Variants in CPT1C observed in about 807,000 individuals in gnomAD.
CPT1C encodes the protein carnitine palmitoyltransferase 1C, also known as palmitoyl thioesterase CPT1C.
A neutral mutation model predicts 97.3 loss-of-function variants in CPT1C; 61 were observed. The observed-to-expected ratio is 0.63, with a 90% CI of 0.51 to 0.78. The LOEUF (loss-of-function observed/expected upper bound fraction) is 0.78. CPT1C is among the 30% of genes least tolerant of loss of function. CPT1C has a pLI of 0.00. For synonymous variants in CPT1C, 469 were observed against 447.2 expected (o/e 1.05, Z -0.61); for missense variants, 975 against 1,065.5 (o/e 0.92, Z 1.18).
upstream of CPT1C, chr19:49,690,876 G>A (rs561088374): frequency 5.0e-5 from 9 of 178,824 alleles, no homozygotes; most frequent in African/African-American, 2.1e-4. This position sits in a 1 kb window ranked among gnomAD's most constrained non-coding sequence, Gnocchi z 4.4. Flanking sequence ...CCTCCCAGCT[G>A]AGCCTTGTTC....
At chr19:49,699,925 G>C (rs989432794) in intron 4 of CPT1C, among the ~76,000 whole-genome samples, 11 of 151,870 alleles carry the variant, frequency 7.2e-5, no homozygotes, top group African/African-American at 2.7e-4. Context: ...CTGCACTCCA[G>C]CCTGGGCGAC....
intron 2 of CPT1C, 51 bp from the exon 3 acceptor site, chr19:49,692,188 G>C (rs1055149822): frequency 7.5e-6 from 12 of 1,590,586 alleles, no homozygotes; most frequent in Admixed American, 5.1e-5. Flanking sequence ...GGACTCCTGA[G>C]TCTGAGGGCG....
intron 4 of CPT1C, among the ~76,000 whole-genome samples, chr19:49,698,416 A>G (rs1036910426): frequency 4.6e-5 from 7 of 152,070 alleles, no homozygotes; most frequent in African/African-American, 7.2e-5. Context: ...TAATCCCAGC[A>G]CTTTGGGAGG....
chr19:49,702,759 G>A (rs368803017), intron 7 of CPT1C, among the ~76,000 whole-genome samples: 4 of 151,996 alleles, frequency 2.6e-5, no homozygotes, highest in East Asian at 1.9e-4. Context: ...GGAGGGTTTG[G>A]AGCAGGGAAG....
chr19:49,708,623 GC>G lies in CPT1C; in HGVS notation c.1450-95del. Reference sequence around the variant, plus strand: ...CAGAGGTTTCTGTTTCTCAGGGACTGCCCCCTACCCGAAAAAGGGCTGCATG... The same window carrying G: ...CAGAGGTTTCTGTTTCTCAGGGACTGCCCCTACCCGAAAAAGGGCTGCATG... On this transcript the variant is annotated intron_variant, in intron 13 of 19. Coordinates refer to ENST00000598293, the MANE Select transcript of CPT1C (RefSeq NM_001199753.2). 3 of 828,678 alleles carry G rather than the reference GC, an allele frequency of 3.6e-6. No individual in the cohort carries two copies. In the East Asian group the frequency reaches 7.2e-5, roughly 20 times the overall value. The allele number at this position is 828,678 out of a possible 1,614,324, so 51.3% of individuals were successfully genotyped here. A position where few individuals can be genotyped will look rare whatever the true frequency, so the allele number is the denominator to read the frequency against.
At chr19:49,702,519 C>G (rs2083233253) in intron 7 of CPT1C, among the ~76,000 whole-genome samples, 1 of 151,368 alleles carries the variant, frequency 6.6e-6, no homozygotes. Flanking sequence ...ACTCGGGAGG[C>G]TGAGGCGGGA....
chr19:49,710,188 T>C (rs1162895021), intron 14 of CPT1C, 132 bp from the exon 15 acceptor site: 2 of 870,740 alleles, frequency 2.3e-6, no homozygotes, highest in African/African-American at 3.3e-5. Context: ...TTCTCTTCTC[T>C]TCTTTGTCCC....
intron 7 of CPT1C, among the ~76,000 whole-genome samples, chr19:49,704,253 C>T (rs115945133): frequency 7.1e-4 from 108 of 152,292 alleles, no homozygotes; most frequent in African/African-American, 2.5e-3. Context: ...CTCCTTGCAA[C>T]CTCTGCCTCC....
chr19:49,709,618 G>A (rs1171674884), intron 14 of CPT1C, among the ~76,000 whole-genome samples: 1 of 148,182 alleles, frequency 6.7e-6, no homozygotes, highest in Non-Finnish European at 1.5e-5. Context: ...GCAATGACAC[G>A]ATCTCAGTTC....
intron 3 of CPT1C, among the ~76,000 whole-genome samples, chr19:49,692,838 G>A (rs978634529): frequency 6.6e-6 from 1 of 152,100 alleles, no homozygotes. Flanking sequence ...GCAATTCCCT[G>A]CCTCAGCCTC....
chr19:49,705,111 C>A lies in CPT1C; in HGVS notation c.876C>A (p.Pro292=). ...YRHRLNRQEI[P]PTLLMGMRPL... ...ACCGCCTGAACCGCCAGGAGATACC[C>A]CCGGTGAGAGGGCCCCAGTGGGTTA... The change falls in exon 9 of 20, where the codon CCC becomes CCA. Residue 292 remains proline (P), a synonymous_variant. Transcript: ENST00000598293. 1 of 1,614,044 alleles carries A rather than the reference C, an allele frequency of 6.2e-7. No individual in the cohort carries two copies. Among genetic ancestry groups the A allele is most frequent in the Non-Finnish European group, 8.5e-7 (1 of 1,179,954 alleles).
chr19:49,703,678 G>A (rs1221799758), intron 7 of CPT1C, among the ~76,000 whole-genome samples: 2 of 148,434 alleles, frequency 1.3e-5, no homozygotes, highest in Non-Finnish European at 1.5e-5. Context: ...TGTCACCCAG[G>A]CTGTAGTGCA....
chr19:49,705,965 T>C lies in CPT1C; in HGVS notation c.1021T>C (p.Phe341Leu). Residue 341 changes from phenylalanine (F) to leucine (L), a missense_variant, in exon 11 of 20, where the codon TTC (phenylalanine) becomes CTC (leucine). Around this residue, in one of 3 missense-constraint regions of CPT1C, gnomAD observed 596 missense variants for 603.1 expected, o/e 0.99. Transcript: ENST00000598293. ...CGTGGCTGTCTTCCACCGGGGCCGA[T>C]TCTTCCGCATGGGGACCCACTCCCG... ...QHVAVFHRGR[F>L]FRMGTHSRNS... 1 of 1,613,874 alleles carries C rather than the reference T, an allele frequency of 6.2e-7. No homozygotes were observed. The highest frequency in any genetic ancestry group is 1.3e-5 in the African/African-American group (1 of 74,998).
chr19:49,708,649 GAA>G, intron 13 of CPT1C, 72 bp from the exon 14 acceptor site: 1 of 1,092,252 alleles, frequency 9.2e-7, no homozygotes, highest in East Asian at 2.3e-5. Flanking sequence ...AGGGCTGCAT[GAA>G]AAGAGGTCCC....
chr19:49,692,880 C>T (rs2082433731), intron 3 of CPT1C, among the ~76,000 whole-genome samples: 1 of 152,058 alleles, frequency 6.6e-6, no homozygotes, highest in Non-Finnish European at 1.5e-5. Flanking sequence ...CGCACGCCAC[C>T]ATGCCTGGCT....
Position 49,708,666 on chromosome 19 carries a change from T to G in CPT1C, c.1450-57T>G, listed in dbSNP as rs1226680597. 1.0e-4 allele frequency: 130 copies of G among 1,288,832 alleles called. 1 individual carries two copies. Among genetic ancestry groups the G allele is most frequent in the Non-Finnish European group, 1.5e-5 (13 of 884,168 alleles). The allele number at this position is 1,288,832 out of a possible 1,614,324, so 79.8% of individuals were successfully genotyped here. A position where few individuals can be genotyped will look rare whatever the true frequency, so the allele number is the denominator to read the frequency against. Reference sequence around the variant, plus strand: ...GGCTGCATGAAAAGAGGTCCCGGGTTAGATGGCCTCAGTCCACAGGGAGGA... The same window carrying G: ...GGCTGCATGAAAAGAGGTCCCGGGTGAGATGGCCTCAGTCCACAGGGAGGA... On this transcript the variant is annotated intron_variant, in intron 13 of 19. Transcript: ENST00000598293.
intron 7 of CPT1C, among the ~76,000 whole-genome samples, chr19:49,703,585 C>T (rs1302784679): frequency 6.8e-5 from 8 of 118,288 alleles, no homozygotes; most frequent in Non-Finnish European, 1.2e-4. Flanking sequence ...CCCTCCCTCC[C>T]TCCCTCCCTC....
intron 16 of CPT1C, 137 bp from the exon 17 acceptor site, chr19:49,711,672 C>T: frequency 1.1e-6 from 1 of 888,958 alleles, no homozygotes; most frequent in Non-Finnish European, 1.7e-6. Flanking sequence ...AGCCTCAGTT[C>T]CCCATCTGTA....
intron 3 of CPT1C, among the ~76,000 whole-genome samples, chr19:49,693,100 C>A (rs1299660033): frequency 6.6e-6 from 1 of 152,130 alleles, no homozygotes. Flanking sequence ...GTTGGCCAGG[C>A]TAATCTCGAT....
Sources: allele counts gnomAD v4.1 joint callset (sites outside exome capture counted in the v4.1 genomes callset), GRCh38; gene constraint gnomAD v4.1.1; regional missense constraint gnomAD v4.1.1; non-coding constraint Gnocchi (gnomAD v3.1); transcripts MANE v1.5; gene names NCBI Gene and HGNC (gene_info 2026-07-23, HGNC 2026-07-21).